Variants in CARMIL1 observed in about 807,000 individuals in gnomAD.
CARMIL1 encodes F-actin-uncapping protein LRRC16A.
A neutral mutation model predicts 177.1 loss-of-function variants in CARMIL1; 90 were observed. The observed-to-expected ratio is 0.51, with a 90% CI of 0.43 to 0.61. The LOEUF (loss-of-function observed/expected upper bound fraction) is 0.61, where lower values mean the gene tolerates loss of function less well. Among genes scored for constraint, CARMIL1 ranks in the 20% least tolerant of loss-of-function variants. The probability of loss-of-function intolerance (pLI) is 0.00; values close to 1 mark genes in which losing one functional copy is unlikely to be tolerated. For synonymous variants in CARMIL1, 577 were observed against 606.2 expected (o/e 0.95, Z 0.71); for missense variants, 1,380 against 1,667.0 (o/e 0.83, Z 3.00).
At position 25,482,253 on chromosome 6, in the gene CARMIL1, T is replaced by C. The variant is rs376705100; in HGVS notation, c.875-4T>C. 15 of 1,507,016 alleles carry C rather than the reference T, an allele frequency of 1.0e-5. No homozygotes were observed. The highest frequency in any genetic ancestry group is 1.4e-5 in the Non-Finnish European group (15 of 1,100,586). 93.4% of individuals were successfully genotyped at this position (1,507,016 alleles called of 1,614,324 possible). The stretch of plus-strand genomic sequence containing the variant: ...ATTCTAATCGCTTCTTTTTCCTTTC[T>C]CAGGTGTGTCCTCTTTAAGTATTCA... On this transcript the variant is annotated splice_polypyrimidine_tract_variant and splice_region_variant and intron_variant, in intron 11 of 36. Coordinates refer to ENST00000329474, the MANE Select transcript of CARMIL1 (RefSeq NM_017640.6).
At chr6:25,604,544 T>C (rs888826785) in intron 33 of CARMIL1, among the ~76,000 whole-genome samples, 3 of 152,148 alleles carry the variant, frequency 2.0e-5, no homozygotes, top group Non-Finnish European at 4.4e-5. Context: ...CCTGGCCCCA[T>C]GCACCTCTCA....
At chr6:25,564,793 T>C (rs1196179694) in intron 29 of CARMIL1, among the ~76,000 whole-genome samples, 1 of 152,156 alleles carries the variant, frequency 6.6e-6, no homozygotes, top group Non-Finnish European at 1.5e-5. Flanking sequence ...AAAATATTGC[T>C]GTTACATATG....
intron 36 of CARMIL1, 59 bp downstream of exon 36, chr6:25,610,240 A>G (rs1246347911): frequency 6.5e-7 from 1 of 1,531,152 alleles, no homozygotes; most frequent in East Asian, 2.3e-5. Flanking sequence ...GGGACATTTC[A>G]AAATAAAGGA....
rs571127014 is a variant in CARMIL1, at chr6:25,487,036, G to A, written c.962-1446G>A. 1.4e-3 allele frequency among the ~76,000 whole-genome samples: 217 copies of A among 152,068 alleles called. 1 individual carries two copies. Among genetic ancestry groups the A allele is most frequent in the Admixed American group, 2.6e-3 (40 of 15,274 alleles). ...TGAGTTGACAGCCAAGAAGTTTTTT[G>A]CACTTAAATATTTTTTATTCGAAGT... On this transcript the variant is annotated intron_variant, in intron 12 of 36. Transcript: ENST00000329474.
chr6:25,572,769 T>C (rs1812216351), intron 29 of CARMIL1, among the ~76,000 whole-genome samples: 1 of 149,264 alleles, frequency 6.7e-6, no homozygotes, highest in Non-Finnish European at 1.5e-5. Flanking sequence ...CATGAGGAAG[T>C]TTTTGTCTGT....
chr6:25,376,089 T>A (rs1790943308), intron 2 of CARMIL1, among the ~76,000 whole-genome samples: 1 of 152,158 alleles, frequency 6.6e-6, no homozygotes, highest in Non-Finnish European at 1.5e-5. Flanking sequence ...ATTATTATTA[T>A]TATTTTTTGA....
At chr6:25,430,809 C>A (rs1008170738) in intron 4 of CARMIL1, among the ~76,000 whole-genome samples, 7 of 152,052 alleles carry the variant, frequency 4.6e-5, no homozygotes, top group African/African-American at 1.7e-4. Flanking sequence ...CTTGAATGAG[C>A]TTTGGTAGTT....
intron 24 of CARMIL1, among the ~76,000 whole-genome samples, chr6:25,537,512 G>A (rs184354166): frequency 6.6e-6 from 1 of 152,288 alleles, no homozygotes; most frequent in Admixed American, 6.5e-5. Context: ...TAATGAAGGA[G>A]TTAGTATCTA....
chr6:25,294,135 A>T (rs1460871301), intron 2 of CARMIL1, among the ~76,000 whole-genome samples: 1 of 152,226 alleles, frequency 6.6e-6, no homozygotes, highest in Non-Finnish European at 1.5e-5. Context: ...GGTAGGAAGC[A>T]GGCATGTACA....
At chr6:25,336,019 A>G (rs984766159) in intron 2 of CARMIL1, among the ~76,000 whole-genome samples, 60 of 151,700 alleles carry the variant, frequency 4.0e-4, no homozygotes, top group African/African-American at 1.4e-3. Context: ...CCATTTGACT[A>G]CTTCAGTTTA....
At chr6:25,474,626 T>A (rs187282051) in intron 11 of CARMIL1, among the ~76,000 whole-genome samples, 417 of 152,278 alleles carry the variant, frequency 2.7e-3, no homozygotes, top group African/African-American at 8.7e-3. Flanking sequence ...AGTACCCTCA[T>A]AGAATAAGCC....
chr6:25,323,320 ACGC>A (rs1399701539), intron 2 of CARMIL1, among the ~76,000 whole-genome samples: 1 of 151,206 alleles, frequency 6.6e-6, no homozygotes, highest in East Asian at 2.0e-4. Flanking sequence ...ACAGTGGCTC[ACGC>A]CTGTAATCCC....
rs1239461761 is a variant in CARMIL1, at chr6:25,312,752, CT to C, written c.138+27854del. 6.0e-4 allele frequency among the ~76,000 whole-genome samples: 86 copies of C among 143,350 alleles called. 1 individual carries two copies. Among genetic ancestry groups the C allele is most frequent in the Admixed American group, 9.0e-4 (13 of 14,400 alleles). 94.0% of individuals were successfully genotyped at this position (143,350 alleles called of 152,430 possible). On this transcript the variant is annotated intron_variant, in intron 2 of 36. Coordinates refer to ENST00000329474, the MANE Select transcript of CARMIL1 (RefSeq NM_017640.6). ...CCCCCCACTTTCAGATTACTTTTGT[CT>C]TTTTTTTTTTCCCTGAGAAATTAGT...
chr6:25,451,047 G>T (rs1798863980), intron 8 of CARMIL1, among the ~76,000 whole-genome samples: 1 of 107,012 alleles, frequency 9.3e-6, no homozygotes. Context: ...GTTCTCTGTT[G>T]GCACTTAGGG....
chr6:25,549,722 G>GTACCA (rs1406921771), intron 26 of CARMIL1, among the ~76,000 whole-genome samples: 1 of 152,190 alleles, frequency 6.6e-6, no homozygotes, highest in Non-Finnish European at 1.5e-5. Flanking sequence ...ATAGACCACT[G>GTACCA]TACCAGTCTT....
At chr6:25,390,320 A>ATAT (rs1554184839) in intron 2 of CARMIL1, among the ~76,000 whole-genome samples, 4 of 58,100 alleles carry the variant, frequency 6.9e-5, no homozygotes, top group South Asian at 6.5e-4. Context: ...ATATATATAT[A>ATAT]TTTTTTTTTT....
intron 22 of CARMIL1, among the ~76,000 whole-genome samples, chr6:25,517,874 A>G (rs1806168073): frequency 6.6e-6 from 1 of 152,262 alleles, no homozygotes; most frequent in Non-Finnish European, 1.5e-5. Context: ...TCTCATTACT[A>G]TGAAAGACTT....
At chr6:25,562,697 G>A (rs1343157015) in intron 29 of CARMIL1, among the ~76,000 whole-genome samples, 1 of 152,168 alleles carries the variant, frequency 6.6e-6, no homozygotes, top group Non-Finnish European at 1.5e-5. Context: ...TAACAGAGCA[G>A]GCTTCACCTC....
At position 25,428,723 on chromosome 6, in the gene CARMIL1, C is replaced by G. The variant is rs541200482; in HGVS notation, c.249+2163C>G. Among the ~76,000 whole-genome samples, 6 of 152,240 alleles carry G rather than the reference C, an allele frequency of 3.9e-5. No homozygotes were observed. In the South Asian group the frequency reaches 1.0e-3, roughly 26 times the overall value. On this transcript the variant is annotated intron_variant, in intron 4 of 36. Coordinates refer to ENST00000329474, the MANE Select transcript of CARMIL1 (RefSeq NM_017640.6). Reference sequence around the variant, plus strand: ...TCTGAGTGTATTTTGTTGTAGCTTTCAGCGTACTGGTCTTACATATGTCTA... The same window carrying G: ...TCTGAGTGTATTTTGTTGTAGCTTTGAGCGTACTGGTCTTACATATGTCTA...
Sources: allele counts gnomAD v4.1 joint callset (sites outside exome capture counted in the v4.1 genomes callset), GRCh38; gene constraint gnomAD v4.1.1; transcripts MANE v1.5; gene names NCBI Gene and HGNC (gene_info 2026-07-23, HGNC 2026-07-21).